SOAT1: variants seen among roughly 807,000 people sequenced by gnomAD.
SOAT1 encodes acyl-coenzyme A:cholesterol acyltransferase 1.
SOAT1 carries 55 observed loss-of-function variants against 69.5 expected under a neutral mutation model. The ratio of observed to expected loss-of-function variants is 0.79; its 90% confidence interval spans 0.64 to 0.99. The LOEUF (loss-of-function observed/expected upper bound fraction) is 0.99, where lower values mean the gene tolerates loss of function less well. Ranked by LOEUF, SOAT1 falls within the 50% of genes least tolerant of loss-of-function variation. The pLI, the probability that SOAT1 is intolerant of heterozygous loss-of-function variation, is 0.00. For synonymous variants in SOAT1, 231 were observed against 224.7 expected (o/e 1.03, Z -0.25); for missense variants, 580 against 669.3 (o/e 0.87, Z 1.47).
intron 6 of SOAT1, among the ~76,000 whole-genome samples, chr1:179,339,927 G>A (rs905963232): frequency 6.6e-6 from 1 of 152,198 alleles, no homozygotes; most frequent in African/African-American, 2.4e-5. Context: ...AGCAAAGGCT[G>A]ATTGGGATCT....
chr1:179,344,600 C>A (rs1666461369), intron 10 of SOAT1, among the ~76,000 whole-genome samples: 1 of 151,946 alleles, frequency 6.6e-6, no homozygotes, highest in Non-Finnish European at 1.5e-5. Context: ...GTCTCGAACT[C>A]TGACCTCAAG....
At chr1:179,336,938 T>A (rs746848047) in intron 4 of SOAT1, among the ~76,000 whole-genome samples, 1 of 150,574 alleles carries the variant, frequency 6.6e-6, no homozygotes, top group Non-Finnish European at 1.5e-5. Context: ...GAGGTTGCAG[T>A]GAGCTGAGAT....
intron 2 of SOAT1, among the ~76,000 whole-genome samples, chr1:179,313,319 A>G (rs1378104881): frequency 6.6e-6 from 1 of 152,186 alleles, no homozygotes; most frequent in African/African-American, 2.4e-5. Context: ...TATGGTTGCC[A>G]CTAGAAGTAC....
In SOAT1 at chr1:179,349,006, G is replaced by A. The variant is rs1276038820; in HGVS notation, c.1314+64G>A. ...GGAGATTCTTTTTCAGAAAGTATGA[G>A]TATTATACAGCTGGAAGAAGTTATA... is the stretch of plus-strand genomic sequence containing the variant. On this transcript the variant is annotated intron_variant, in intron 13 of 15. Coordinates refer to ENST00000367619, the MANE Select transcript of SOAT1 (RefSeq NM_003101.6). 8.1e-6 allele frequency: 7 copies of A among 861,484 alleles called. No homozygotes were observed. The Admixed American group carries it at 1.1e-4, about 14-fold the overall frequency. The allele number at this position is 861,484 out of a possible 1,614,324, so 53.4% of individuals were successfully genotyped here. A position where few individuals can be genotyped will look rare whatever the true frequency, so the allele number is the denominator to read the frequency against.
At chr1:179,321,500 A>G (rs1240170206) in intron 2 of SOAT1, among the ~76,000 whole-genome samples, 2 of 152,098 alleles carry the variant, frequency 1.3e-5, no homozygotes, top group African/African-American at 2.4e-5. Context: ...ATTCATGTTC[A>G]CCTTAAGACT....
chr1:179,301,520 A>G (rs1664830723), intron 1 of SOAT1, among the ~76,000 whole-genome samples: 1 of 152,138 alleles, frequency 6.6e-6, no homozygotes, highest in African/African-American at 2.4e-5. Context: ...AAGTTACTGT[A>G]ATGAGAAGAA....
In SOAT1 at chr1:179,343,585, T is replaced by C; in HGVS notation, c.942-5T>C. The C allele has an allele frequency of 1.9e-6, 3 of 1,608,464 alleles. No individual in the cohort carries two copies. Among genetic ancestry groups the C allele is most frequent in the Non-Finnish European group, 2.6e-6 (3 of 1,176,460 alleles). Reference sequence around the variant, plus strand: ...AAACCTTATTTTTGTTTCTTTCTTTTTCAGGAATCCCACTGTAAGATGGGG... The same window carrying C: ...AAACCTTATTTTTGTTTCTTTCTTTCTCAGGAATCCCACTGTAAGATGGGG... On this transcript the variant is annotated splice_polypyrimidine_tract_variant and splice_region_variant and intron_variant, in intron 9 of 15. Coordinates refer to ENST00000367619, the MANE Select transcript of SOAT1 (RefSeq NM_003101.6).
intron 6 of SOAT1, among the ~76,000 whole-genome samples, chr1:179,339,844 C>T (rs935258333): frequency 6.6e-6 from 1 of 152,160 alleles, no homozygotes; most frequent in African/African-American, 2.4e-5. Flanking sequence ...TTGAACTGTG[C>T]ATGTCTATTT....
intron 3 of SOAT1, among the ~76,000 whole-genome samples, chr1:179,326,550 C>CTTTTTTTTTTTTTTTTTTTTTTTTTTTTT: frequency 9.4e-6 from 1 of 106,260 alleles, no homozygotes; most frequent in Non-Finnish European, 1.9e-5. Context: ...AATTTCTTTT[C>CTTTTTTTTTTTTTTTTTTTTTTTTTTTTT]TTTTTTTTTT....
intron 3 of SOAT1, among the ~76,000 whole-genome samples, chr1:179,325,694 G>C (rs887146165): frequency 2.0e-5 from 3 of 152,088 alleles, no homozygotes; most frequent in Admixed American, 2.0e-4. Flanking sequence ...CCTAAAGTGG[G>C]AGGAGAACCT....
chr1:179,343,381 C>T (rs930112604), intron 9 of SOAT1, among the ~76,000 whole-genome samples: 5 of 143,156 alleles, frequency 3.5e-5, no homozygotes, highest in Non-Finnish European at 6.0e-5. Flanking sequence ...TGTGCCACCA[C>T]GCCCGGTTGG....
chr1:179,343,024 T>C (rs1033009921), intron 9 of SOAT1, 81 bp downstream of exon 9: 1 of 1,025,258 alleles, frequency 9.8e-7, no homozygotes, highest in Non-Finnish European at 1.5e-6. Context: ...CAGGGGCCAG[T>C]TCATGTAGGG....
chr1:179,299,432 A>G (rs1386034669), intron 1 of SOAT1, among the ~76,000 whole-genome samples: 1 of 152,182 alleles, frequency 6.6e-6, no homozygotes, highest in Non-Finnish European at 1.5e-5. Context: ...TAATTCTATT[A>G]CTGCTGTAGC....
In SOAT1 at chr1:179,342,191, A is replaced by G. The variant is rs1666361707; in HGVS notation, c.858A>G (p.Ser286=). Residue 286 remains serine, a splice_region_variant and synonymous_variant, in exon 8 of 16, where the codon TCA becomes TCG. Transcript: ENST00000367619. ...TACTAAATTCAGCTAAGGAGAAATCAAGTATGTAATTTCTTTTGTTCATTA... is the reference window on the plus strand; with the variant it reads ...TACTAAATTCAGCTAAGGAGAAATCGAGTATGTAATTTCTTTTGTTCATTA... ...PRVLNSAKEK[S]STVPIPTVNQ... 6.2e-7 allele frequency: 1 copy of G among 1,609,730 alleles called. No homozygotes were observed. The highest frequency in any genetic ancestry group is 8.5e-7 in the Non-Finnish European group (1 of 1,177,008).
Position 179,301,550 on chromosome 1 carries a change from G to T in SOAT1, c.-8-1127G>T, listed in dbSNP as rs774657086. ...GAAGAAAAGCAGACTCTAGTACCTG[G>T]GGCTGTGGTGTGCATTCCTATAAAT... On this transcript the variant is annotated intron_variant, in intron 1 of 15. Transcript: ENST00000367619. 3.3e-5 allele frequency among the ~76,000 whole-genome samples: 5 copies of T among 152,132 alleles called. No individual in the cohort carries two copies. In the South Asian group the frequency reaches 1.0e-3, roughly 31 times the overall value.
intron 9 of SOAT1, 89 bp from the exon 10 acceptor site, chr1:179,343,501 G>A (rs992172817): frequency 6.2e-5 from 72 of 1,164,380 alleles, no homozygotes; most frequent in Admixed American, 3.5e-4. Flanking sequence ...GAGCCACCGC[G>A]CCTGACCAAA....
Position 179,302,707 on chromosome 1 carries a change from C to T in SOAT1, c.23C>T (p.Ser8Phe). MVGEEKM[S>F]LRNRLSKSRE... ...ACAATGGTGGGTGAAGAGAAGATGT[C>T]TCTAAGAAACCGGCTGTCAAAGTCC... The change falls in exon 2 of 16, where the codon TCT (serine) becomes TTT (phenylalanine). Residue 8 changes from serine (S) to phenylalanine (F), a missense_variant. By Grantham distance (155) the Ser-to-Phe change is radical. Coordinates refer to ENST00000367619, the MANE Select transcript of SOAT1 (RefSeq NM_003101.6). 6.2e-7 allele frequency: 1 copy of T among 1,604,106 alleles called. No homozygotes were observed. The highest frequency in any genetic ancestry group is 8.5e-7 in the Non-Finnish European group (1 of 1,177,460).
chr1:179,297,430 G>T (rs962787106), intron 1 of SOAT1, among the ~76,000 whole-genome samples: 4 of 151,966 alleles, frequency 2.6e-5, no homozygotes, highest in African/African-American at 9.7e-5. Context: ...TCCGCCTCCT[G>T]GGTTCAAGCA....
chr1:179,339,752 A>G (rs1666267454), intron 6 of SOAT1, among the ~76,000 whole-genome samples: 1 of 152,222 alleles, frequency 6.6e-6, no homozygotes, highest in African/African-American at 2.4e-5. Flanking sequence ...GGTTTATTTG[A>G]ATAGACCATA....
Sources: gnomAD v4.1 joint callset for allele counts (sites outside exome capture counted in the v4.1 genomes callset) on GRCh38, gnomAD v4.1.1 for gene constraint, MANE v1.5 for transcripts, NCBI Gene and HGNC (gene_info 2026-07-23, HGNC 2026-07-21) for gene names.